The following FRMD6 variants were observed in gnomAD, a reference collection of about 807,000 sequenced individuals.
FRMD6 encodes FERM domain containing 6.
A neutral mutation model predicts 73.2 loss-of-function variants in FRMD6; 37 were observed. That is an observed-to-expected ratio of 0.51 (90% CI 0.39 to 0.66). FRMD6 has a LOEUF of 0.66. Ranked by LOEUF, FRMD6 falls within the 30% of genes least tolerant of loss-of-function variation. The probability of loss-of-function intolerance (pLI) is 0.00; values close to 1 mark genes in which losing one functional copy is unlikely to be tolerated. For synonymous variants in FRMD6, 273 were observed against 282.2 expected, an observed-to-expected ratio of 0.97 and a Z score of 0.33; for missense variants, 714 against 780.5, an observed-to-expected ratio of 0.91 and a Z score of 1.02.
At chr14:51,621,443 A>G (rs942241441) in intron 2 of FRMD6, among the ~76,000 whole-genome samples, 2 of 152,224 alleles carry the variant, frequency 1.3e-5, no homozygotes, top group Non-Finnish European at 2.9e-5. Flanking sequence ...TAGCTCCACC[A>G]TCACATTCAG....
intron 1 of FRMD6, among the ~76,000 whole-genome samples, chr14:51,522,628 T>C (rs1018497236): frequency 2.0e-5 from 3 of 152,200 alleles, no homozygotes; most frequent in African/African-American, 7.2e-5. Flanking sequence ...CTCAGCATCA[T>C]AAAAATATCA....
At chr14:51,592,386 G>A (rs1389931879) in intron 2 of FRMD6, among the ~76,000 whole-genome samples, 3 of 152,130 alleles carry the variant, frequency 2.0e-5, no homozygotes, top group Admixed American at 6.5e-5. Context: ...AAAATTTCTC[G>A]TGTATAGAAA....
At chr14:51,561,317 G>T (rs561335527) in intron 1 of FRMD6, among the ~76,000 whole-genome samples, 3 of 152,138 alleles carry the variant, frequency 2.0e-5, no homozygotes, top group Admixed American at 1.3e-4. Context: ...AACAAAGAAG[G>T]CATTTTTAAT....
the FRMD6 span, chr14:51,436,806 A>T: frequency 1.8e-6 from 1 of 542,080 alleles, no homozygotes; most frequent in Non-Finnish European, 3.3e-6. Flanking sequence ...GAAGGAGAAG[A>T]TGATGATGAA....
At chr14:51,660,908 A>G (rs1893176989) in intron 1 of FRMD6, among the ~76,000 whole-genome samples, 1 of 152,172 alleles carries the variant, frequency 6.6e-6, no homozygotes, top group Non-Finnish European at 1.5e-5. Flanking sequence ...TGAAGGCATC[A>G]GGCGGAAGCA....
chr14:51,402,347 C>G, the FRMD6 span, among the ~76,000 whole-genome samples: 1 of 152,154 alleles, frequency 6.6e-6, no homozygotes, highest in Admixed American at 6.5e-5. Context: ...ACCCAAATCT[C>G]ATTCCCACGT....
At chr14:51,534,109 G>A (rs772452283) in intron 1 of FRMD6, among the ~76,000 whole-genome samples, 17 of 152,086 alleles carry the variant, frequency 1.1e-4, no homozygotes, top group Admixed American at 7.9e-4. Context: ...GGAGGGTGGG[G>A]GTACACAGGG....
intron 2 of FRMD6, among the ~76,000 whole-genome samples, chr14:51,645,610 AT>A (rs1213576801): frequency 6.6e-6 from 1 of 151,648 alleles, no homozygotes; most frequent in Admixed American, 6.6e-5. Flanking sequence ...CTAATTTTTT[AT>A]TTTTTTATTT....
At chr14:51,563,533 G>C (rs1223972152) in intron 1 of FRMD6, among the ~76,000 whole-genome samples, 1 of 152,122 alleles carries the variant, frequency 6.6e-6, no homozygotes, top group Admixed American at 6.5e-5. Context: ...AACTGGGCAT[G>C]GTGGTGGGTG....
intron 2 of FRMD6, among the ~76,000 whole-genome samples, chr14:51,573,897 T>A (rs1888271094): frequency 6.6e-6 from 1 of 152,186 alleles, no homozygotes; most frequent in African/African-American, 2.4e-5. Context: ...CAATGACAAC[T>A]AGGGATATTT....
the FRMD6 span, among the ~76,000 whole-genome samples, chr14:51,410,964 C>G: frequency 6.6e-6 from 1 of 152,142 alleles, no homozygotes; most frequent in Non-Finnish European, 1.5e-5. Flanking sequence ...ATAGTAGGTT[C>G]TTTGTTTATT....
At position 51,689,706 on chromosome 14, in the gene FRMD6, A is replaced by G. The variant is rs1594738158; in HGVS notation, c.-131A>G. On this transcript the variant is annotated 5_prime_UTR_variant, in exon 2 of 14. An upstream open reading frame in the 5' UTR loses its in-frame stop. Transcript: ENST00000344768. ...TTTTTCACAGCTATGAAACCCACGT[A>G]GTCGAACACCGTGATGCTTCTCCTG... 1 of 668,370 alleles carries G rather than the reference A, an allele frequency of 1.5e-6. No homozygotes were observed. Among genetic ancestry groups the G allele is most frequent in the East Asian group, 2.6e-5 (1 of 37,870 alleles). The allele number at this position is 668,370 out of a possible 1,614,324, so 41.4% of individuals were successfully genotyped here. A position where few individuals can be genotyped will look rare whatever the true frequency, so the allele number is the denominator to read the frequency against.
At chr14:51,403,155 CAAAT>C in the FRMD6 span, among the ~76,000 whole-genome samples, 1 of 152,070 alleles carries the variant, frequency 6.6e-6, no homozygotes, top group Non-Finnish European at 1.5e-5. Context: ...TAAGATAAAA[CAAAT>C]AAAAATACCA....
chr14:51,512,364 T>C (rs1403800397), intron 1 of FRMD6, among the ~76,000 whole-genome samples: 1 of 152,204 alleles, frequency 6.6e-6, no homozygotes, highest in Non-Finnish European at 1.5e-5. Context: ...GTTAACCTAG[T>C]CTGGAAAATC....
At chr14:51,577,993 G>T (rs1888500233) in intron 2 of FRMD6, among the ~76,000 whole-genome samples, 1 of 152,090 alleles carries the variant, frequency 6.6e-6, no homozygotes, top group South Asian at 2.1e-4. Flanking sequence ...GAGCAGAAAT[G>T]AGTTCAGGCA....
chr14:51,431,316 A>G, the FRMD6 span, among the ~76,000 whole-genome samples: 1 of 152,206 alleles, frequency 6.6e-6, no homozygotes, highest in Non-Finnish European at 1.5e-5. Context: ...GTATTGAGTA[A>G]TTTTAGTATG....
At chr14:51,405,905 G>C in the FRMD6 span, among the ~76,000 whole-genome samples, 3 of 152,050 alleles carry the variant, frequency 2.0e-5, no homozygotes, top group Admixed American at 6.6e-5. Context: ...TAAAATCTCT[G>C]CCTGTTCCTA....
chr14:51,529,482 G>C (rs1432606371), intron 1 of FRMD6, among the ~76,000 whole-genome samples: 1 of 152,100 alleles, frequency 6.6e-6, no homozygotes, highest in South Asian at 2.1e-4. Flanking sequence ...GAGAGAGAGA[G>C]AGCGAGCACA....
chr14:51,629,021 C>T (rs570105992), intron 2 of FRMD6, among the ~76,000 whole-genome samples: 1 of 151,120 alleles, frequency 6.6e-6, no homozygotes, highest in South Asian at 2.1e-4. Flanking sequence ...GGACTACAGA[C>T]GCCCGCCACC....
Sources: gnomAD v4.1 joint callset for allele counts (sites outside exome capture counted in the v4.1 genomes callset) on GRCh38, gnomAD v4.1.1 for gene constraint, MANE v1.5 for transcripts, NCBI Gene and HGNC (gene_info 2026-07-23, HGNC 2026-07-21) for gene names.